Variants in DDX11 observed in about 807,000 individuals in gnomAD.
DDX11 encodes DEAD/H-box helicase 11.
Under a neutral mutation model 125.2 loss-of-function variants are expected in DDX11, and 72 were observed. The ratio of observed to expected loss-of-function variants is 0.58; its 90% CI spans 0.48 to 0.70. The LOEUF (loss-of-function observed/expected upper bound fraction) is 0.70. Ranked by LOEUF, DDX11 falls within the 30% of genes least tolerant of loss-of-function variation. DDX11 has a pLI of 0.00. For synonymous variants in DDX11, 347 were observed against 452.6 expected (o/e 0.77, Z 2.96); for missense variants, 883 against 1,165.0 (o/e 0.76, Z 3.52).
chr12:31,098,541 C>T (rs1355877754), intron 18 of DDX11, among the ~76,000 whole-genome samples: 1 of 150,758 alleles, frequency 6.6e-6, no homozygotes, highest in African/African-American at 2.4e-5. Flanking sequence ...CATGTAGCTG[C>T]TTCTCTCTTG....
At chr12:31,091,258 T>A (rs1944158200) in intron 9 of DDX11, 1 of 153,810 alleles carries the variant, frequency 6.5e-6, no homozygotes, top group African/African-American at 2.4e-5. Context: ...AACCCTCACT[T>A]TGAAATAGGA....
intron 19 of DDX11, 143 bp downstream of exon 19, chr12:31,100,850 GGCTC>G (rs1168126930): frequency 9.0e-7 from 1 of 1,107,890 alleles, no homozygotes; most frequent in Non-Finnish European, 1.4e-6. Flanking sequence ...CGCTCGCCCA[GGCTC>G]TCCTGCTTTG....
chr12:31,084,460 T>C, intron 3 of DDX11, 123 bp from the exon 4 acceptor site: 2 of 898,794 alleles, frequency 2.2e-6, no homozygotes, highest in Non-Finnish European at 3.6e-6. Context: ...AGCCCTTGAG[T>C]GCTGGCCGGG....
At chr12:31,084,743 G>A (rs1243487440) in intron 4 of DDX11, 74 bp downstream of exon 4, 5 of 1,434,220 alleles carry the variant, frequency 3.5e-6, no homozygotes, top group African/African-American at 2.8e-5. Context: ...TGGGTGCGTG[G>A]TCAGGGCCTT....
At chr12:31,099,198 A>G (rs1369644398) in intron 18 of DDX11, among the ~76,000 whole-genome samples, 1 of 147,046 alleles carries the variant, frequency 6.8e-6, no homozygotes, top group African/African-American at 2.6e-5. Context: ...AGCGATTCTC[A>G]TGCCTCAACC....
At position 31,084,638 on chromosome 12, in the gene DDX11, G is replaced by A; in HGVS notation, c.449G>A (p.Arg150Lys). 1 of 1,591,816 alleles carries A rather than the reference G, an allele frequency of 6.3e-7. No individual in the cohort carries two copies. Among genetic ancestry groups the A allele is most frequent in the Non-Finnish European group, 8.6e-7 (1 of 1,166,550 alleles). ...REERLQQLQH[R>K]VQLKYAAKRL... ...GAACGCCTGCAGCAGCTGCAGCACA[G>A]GGTGCAGCTCAAGTATGCAGCCAAG... is the stretch of plus-strand genomic sequence containing the variant. The change falls in exon 4 of 27, where the codon AGG becomes AAG. Residue 150 changes from arginine (R) to lysine (K), a missense_variant. Transcript: ENST00000542838.
At chr12:31,075,911 G>C (rs570388490) in intron 1 of DDX11, among the ~76,000 whole-genome samples, 9 of 152,232 alleles carry the variant, frequency 5.9e-5, no homozygotes, top group African/African-American at 2.2e-4. Context: ...AGCAAGCTAG[G>C]GGGTGAGGAG....
intron 17 of DDX11, 69 bp downstream of exon 17, chr12:31,097,059 G>A (rs973855740): frequency 1.6e-5 from 25 of 1,597,884 alleles, no homozygotes; most frequent in Middle Eastern, 1.7e-4. Context: ...GAGCCGCAGC[G>A]TGAAAGGATT....
chr12:31,078,979 G>T (rs1592572533), intron 2 of DDX11, among the ~76,000 whole-genome samples: 1 of 152,132 alleles, frequency 6.6e-6, no homozygotes, highest in East Asian at 1.9e-4. Flanking sequence ...GAGTCACCGT[G>T]CCCGGCCTAA....
At chr12:31,088,299 C>T (rs368432376) in intron 6 of DDX11, among the ~76,000 whole-genome samples, 5 of 151,750 alleles carry the variant, frequency 3.3e-5, no homozygotes, top group Non-Finnish European at 5.9e-5. Flanking sequence ...CTCCTGGGTT[C>T]GGGGCCTGGG....
At chr12:31,099,981 A>G (rs1439710376) in intron 18 of DDX11, among the ~76,000 whole-genome samples, 1 of 152,184 alleles carries the variant, frequency 6.6e-6, no homozygotes, top group African/African-American at 2.4e-5. Context: ...TTGTCTGACC[A>G]TCGCTCCTCT....
chr12:31,085,192 C>G (rs1262337819), intron 5 of DDX11, 66 bp downstream of exon 5: 1 of 1,520,796 alleles, frequency 6.6e-7, no homozygotes, highest in African/African-American at 1.4e-5. Flanking sequence ...CAGCTCTTTC[C>G]CTCATGCCAC....
At chr12:31,087,438 G>T in intron 5 of DDX11, 1 of 301,782 alleles carries the variant, frequency 3.3e-6, no homozygotes, top group East Asian at 7.9e-5. Flanking sequence ...CAGGGGCCAT[G>T]AATCTGTGTC....
intron 18 of DDX11, chr12:31,100,424 C>T (rs1189316125): frequency 6.2e-6 from 3 of 481,728 alleles, no homozygotes; most frequent in East Asian, 7.3e-5. Flanking sequence ...TGCTGGATTT[C>T]CTTTGCTGTT....
intron 1 of DDX11, chr12:31,078,119 A>G (rs1251343067): frequency 3.5e-5 from 40 of 1,149,502 alleles, no homozygotes; most frequent in Non-Finnish European, 4.7e-5. Context: ...TATCGGAGCC[A>G]CGGTGAAATG....
chr12:31,102,158 C>T (rs1946499210), intron 21 of DDX11, 85 bp from the exon 22 acceptor site: 3 of 1,454,358 alleles, frequency 2.1e-6, no homozygotes, highest in Non-Finnish European at 2.9e-6. Context: ...CTCCAGTCCC[C>T]TGGCCAGAAA....
rs1943688098 is a variant in DDX11 at position 31,089,119 on chromosome 12, G to A, written c.760G>A (p.Asp254Asn). ...GGTGAAGAAGAGCCCCTTTGGCAAG[G>A]ATGTTCGGCTGGTCTCCCTTGGCTC... ...HEVKKSPFGK[D>N]VRLVSLGSRQ... Residue 254 changes from aspartate (D) to asparagine (N), a missense_variant, in exon 7 of 27, where the codon GAT becomes AAT. Transcript: ENST00000542838. 4 of 1,614,012 alleles carry A rather than the reference G, an allele frequency of 2.5e-6. No individual in the cohort carries two copies. Among genetic ancestry groups the A allele is most frequent in the Middle Eastern group, 1.7e-4 (1 of 6,056 alleles).
intron 5 of DDX11, chr12:31,087,428 C>A: frequency 3.4e-6 from 1 of 292,668 alleles, no homozygotes. Context: ...GTGTGAAGAG[C>A]AGGGGCCATG....
At chr12:31,102,886 C>G in intron 23 of DDX11, 50 bp from the exon 24 acceptor site, 1 of 1,570,158 alleles carries the variant, frequency 6.4e-7, no homozygotes, top group Non-Finnish European at 8.8e-7. Context: ...TGGGTGATGA[C>G]CCGGGAGGTC....
Sources: gnomAD v4.1 joint callset for allele counts (sites outside exome capture counted in the v4.1 genomes callset) on GRCh38, gnomAD v4.1.1 for gene constraint, MANE v1.5 for transcripts, NCBI Gene and HGNC (gene_info 2026-07-23, HGNC 2026-07-21) for gene names.